Variants in CCR4 observed in about 807,000 individuals in gnomAD.
CCR4 encodes the protein C-C chemokine receptor type 4.
A neutral mutation model predicts 17.1 loss-of-function variants in CCR4; 9 were observed. That is an observed-to-expected ratio of 0.53 (90% CI 0.32 to 0.92). CCR4 has a LOEUF of 0.92. Among genes scored for constraint, CCR4 ranks in the 40% least tolerant of loss-of-function variants. The probability of loss-of-function intolerance (pLI) is 0.04; values close to 1 mark genes in which losing one functional copy is unlikely to be tolerated. For missense variants in CCR4, 385 were observed against 433.9 expected, an observed-to-expected ratio of 0.89 and a Z score of 1.00; for synonymous variants, 217 against 174.3, an observed-to-expected ratio of 1.24 and a Z score of -1.93.
rs143876966 is a variant in CCR4, at chr3:32,953,848, G to A, written c.426G>A (p.Ala142=). 10 of 1,613,848 alleles carry A rather than the reference G, an allele frequency of 6.2e-6. No individual in the cohort carries two copies. The highest frequency in any genetic ancestry group is 4.5e-5 in the East Asian group (2 of 44,876). The change falls in exon 2 of 2, where the codon GCG becomes GCA. Residue 142 remains alanine, a synonymous_variant. Coordinates refer to ENST00000330953, the MANE Select transcript of CCR4 (RefSeq NM_005508.5). ...SIDRYLAIVH[A]VFSLRARTLT... is the part of the protein sequence containing the mutation. ...ATAGATACCTGGCAATTGTGCACGC[G>A]GTGTTTTCCTTGAGGGCAAGGACCT...
chr3:32,954,147 A>C lies in CCR4; in HGVS notation c.725A>C (p.Lys242Thr), dbSNP rs1305380712. The C allele has an allele frequency of 6.2e-7, 1 of 1,614,072 alleles. No homozygotes were observed. Among genetic ancestry groups the C allele is most frequent in the African/African-American group, 1.3e-5 (1 of 74,922 alleles). The change falls in exon 2 of 2, where the codon AAG becomes ACG. Residue 242 changes from lysine (K) to threonine (T), a missense_variant. Physicochemically the swap from Lys to Thr is moderately conservative, Grantham distance 78. Coordinates refer to ENST00000330953, the MANE Select transcript of CCR4 (RefSeq NM_005508.5). ...CKNEKKNKAV[K>T]MIFAVVVLFL... ...AATGAGAAGAAGAACAAGGCGGTGA[A>C]GATGATCTTTGCCGTGGTGGTCCTC...
In CCR4 at chr3:32,954,688, A is replaced by G; in HGVS notation, c.*183A>G. 1.6e-6 allele frequency: 1 copy of G among 612,562 alleles called. No individual in the cohort carries two copies. The highest frequency in any genetic ancestry group is 3.7e-5 in the Admixed American group (1 of 26,916). The allele number at this position is 612,562 out of a possible 1,614,324, so 37.9% of individuals were successfully genotyped here. On this transcript the variant is annotated 3_prime_UTR_variant, in exon 2 of 2. Transcript: ENST00000330953. ...CCCACTAGACAAGTCCAGCCTGGCA[A>G]GGGTTCACCTGGGCTGAGGCATCCT... is the stretch of plus-strand genomic sequence containing the variant.
At position 32,954,852 on chromosome 3, in the gene CCR4, T is replaced by C. The variant is rs900639747; in HGVS notation, c.*347T>C. On this transcript the variant is annotated 3_prime_UTR_variant, in exon 2 of 2. Transcript: ENST00000330953. Reference sequence around the variant, plus strand: ...AACTGATGGGTTTCTCCAGAGGGAATTGCAGAGTACTGGCTGATGGAGTAA... The same window carrying C: ...AACTGATGGGTTTCTCCAGAGGGAACTGCAGAGTACTGGCTGATGGAGTAA... The C allele has an allele frequency of 2.8e-5, 6 of 213,880 alleles. No individual in the cohort carries two copies. Among genetic ancestry groups the C allele is most frequent in the Admixed American group, 1.1e-4 (2 of 18,800 alleles). The allele number at this position is 213,880 out of a possible 1,614,324, so 13.2% of individuals were successfully genotyped here. A position where few individuals can be genotyped will look rare whatever the true frequency, so the allele number is the denominator to read the frequency against.
At position 32,954,356 on chromosome 3, in the gene CCR4, C is replaced by T. The variant is rs1432823572; in HGVS notation, c.934C>T (p.Arg312Cys). The T allele has an allele frequency of 3.1e-6, 5 of 1,614,106 alleles. No homozygotes were observed. Among genetic ancestry groups the T allele is most frequent in the Non-Finnish European group, 4.2e-6 (5 of 1,180,016 alleles). Residue 312 changes from arginine to cysteine, a missense_variant, in exon 2 of 2, where the codon CGC (arginine) becomes TGC (cysteine). Coordinates refer to ENST00000330953, the MANE Select transcript of CCR4 (RefSeq NM_005508.5). ...IIYFFLGEKF[R>C]KYILQLFKTC... ...CTACTTTTTTCTGGGGGAGAAATTT[C>T]GCAAGTACATCCTACAGCTCTTCAA...
chr3:32,953,518 A>C lies in CCR4; in HGVS notation c.96A>C (p.Glu32Asp). ...GTATCCCCAAGCCTTGCACCAAAGA[A>C]GGCATCAAGGCATTTGGGGAGCTCT... ...YESIPKPCTKEGIKAFGELFL... is the reference protein window; with the variant it reads ...YESIPKPCTKDGIKAFGELFL... Residue 32 changes from glutamate to aspartate, a missense_variant, in exon 2 of 2, where the codon GAA becomes GAC. Coordinates refer to ENST00000330953, the MANE Select transcript of CCR4 (RefSeq NM_005508.5). 1 of 1,614,118 alleles carries C rather than the reference A, an allele frequency of 6.2e-7. No homozygotes were observed. Among genetic ancestry groups the C allele is most frequent in the Non-Finnish European group, 8.5e-7 (1 of 1,180,014 alleles).
chr3:32,954,191 C>G lies in CCR4; in HGVS notation c.769C>G (p.Pro257Ala). Residue 257 changes from proline (P) to alanine (A), a missense_variant, in exon 2 of 2, where the codon CCT (proline) becomes GCT (alanine). Coordinates refer to ENST00000330953, the MANE Select transcript of CCR4 (RefSeq NM_005508.5). ...VVVLFLGFWT[P>A]YNIVLFLETL... Reference sequence around the variant, plus strand: ...GGTCCTCTTCCTTGGGTTCTGGACACCTTACAACATAGTGCTCTTCCTAGA... The same window carrying G: ...GGTCCTCTTCCTTGGGTTCTGGACAGCTTACAACATAGTGCTCTTCCTAGA... The G allele has an allele frequency of 6.2e-7, 1 of 1,614,048 alleles. No homozygotes were observed. The highest frequency in any genetic ancestry group is 8.5e-7 in the Non-Finnish European group (1 of 1,179,988).
In CCR4 at chr3:32,956,063, GAGGTGTGCACCACTACGCC is replaced by G. The variant is rs1428863584; in HGVS notation, c.*1562_*1580del. 2 of 163,890 alleles carry G rather than the reference GAGGTGTGCACCACTACGCC, an allele frequency of 1.2e-5. No individual in the cohort carries two copies. Among genetic ancestry groups the G allele is most frequent in the Admixed American group, 6.6e-5 (1 of 15,220 alleles). The allele number at this position is 163,890 out of a possible 1,614,324, so 10.2% of individuals were successfully genotyped here. On this transcript the variant is annotated 3_prime_UTR_variant, in exon 2 of 2. Coordinates refer to ENST00000330953, the MANE Select transcript of CCR4 (RefSeq NM_005508.5). Reference sequence around the variant, plus strand: ...TCAGCTTCTCAAGCAGCTGGGATTAGAGGTGTGCACCACTACGCCAGGCTAATTTTTGTATTTTTAGTAG... The same window carrying G: ...TCAGCTTCTCAAGCAGCTGGGATTAGAGGCTAATTTTTGTATTTTTAGTAG...
rs766843220 is a variant in CCR4 at position 32,954,447 on chromosome 3, C to A, written c.1025C>A (p.Thr342Asn). 20 of 1,581,680 alleles carry A rather than the reference C, an allele frequency of 1.3e-5. No homozygotes were observed. Among genetic ancestry groups the A allele is most frequent in the Non-Finnish European group, 1.7e-5 (20 of 1,167,240 alleles). ...CTCCTCCAAATTTACTCTGCTGACA[C>A]CCCCAGCTCATCTTACACGCAGTCC... ...CGLLQIYSAD[T>N]PSSSYTQSTM... The change falls in exon 2 of 2, where the codon ACC becomes AAC. Residue 342 changes from threonine to asparagine, a missense_variant. Thr to Asn is a moderately conservative substitution (Grantham distance 65, BLOSUM62 0). Coordinates refer to ENST00000330953, the MANE Select transcript of CCR4 (RefSeq NM_005508.5).
chr3:32,954,555 C>T lies in CCR4; in HGVS notation c.*50C>T. On this transcript the variant is annotated 3_prime_UTR_variant, in exon 2 of 2. Transcript: ENST00000330953. ...GTCAATGAACTTTCCACATTCAGAGCTTACTTAAAATTGTATTTTAGTAAG... is the reference window on the plus strand; with the variant it reads ...GTCAATGAACTTTCCACATTCAGAGTTTACTTAAAATTGTATTTTAGTAAG... The T allele has an allele frequency of 6.7e-7, 1 of 1,483,308 alleles. No individual in the cohort carries two copies. The highest frequency in any genetic ancestry group is 8.9e-7 in the Non-Finnish European group (1 of 1,118,658). 91.9% of individuals were successfully genotyped at this position (1,483,308 alleles called of 1,614,324 possible).
Position 32,954,164 on chromosome 3 carries a change from G to C in CCR4, c.742G>C (p.Val248Leu). 6.2e-7 allele frequency: 1 copy of C among 1,614,126 alleles called. No individual in the cohort carries two copies. Among genetic ancestry groups the C allele is most frequent in the Non-Finnish European group, 8.5e-7 (1 of 1,180,034 alleles). Residue 248 changes from valine (V) to leucine (L), a missense_variant, in exon 2 of 2, where the codon GTG (valine) becomes CTG (leucine). Transcript: ENST00000330953. ...NKAVKMIFAV[V>L]VLFLGFWTPY... ...GGCGGTGAAGATGATCTTTGCCGTG[G>C]TGGTCCTCTTCCTTGGGTTCTGGAC...
rs1281059082 is a variant in CCR4, at chr3:32,953,950, C to T, written c.528C>T (p.Ser176=). Residue 176 remains serine (S), a synonymous_variant, in exon 2 of 2, where the codon AGC becomes AGT. Transcript: ENST00000330953. ...CCTCCCTTCCTGGCTTTCTGTTCAG[C>T]ACTTGTTATACTGAGCGCAACCATA... The part of the protein sequence containing the change: ...VFASLPGFLF[S]TCYTERNHTY... The T allele has an allele frequency of 5.0e-6, 8 of 1,614,098 alleles. No homozygotes were observed. Among genetic ancestry groups the T allele is most frequent in the Non-Finnish European group, 6.8e-6 (8 of 1,180,010 alleles).
At chr3:32,953,340 A>G in intron 1 of CCR4, 32 bp from the exon 2 acceptor site, 1 of 1,479,488 alleles carries the variant, frequency 6.8e-7, no homozygotes, top group Admixed American at 2.3e-5. Context: ...TTTTGTTCTC[A>G]CAGAAATCTC....
rs1399627925 is a variant in CCR4, at chr3:32,954,950, GTT to G, written c.*449_*450del. On this transcript the variant is annotated 3_prime_UTR_variant, in exon 2 of 2. Coordinates refer to ENST00000330953, the MANE Select transcript of CCR4 (RefSeq NM_005508.5). Reference sequence around the variant, plus strand: ...CTTTTGCGGAACAATATAGATAACTGTTTTTCTAATAACATATCTCAGGCAAA... The same window carrying G: ...CTTTTGCGGAACAATATAGATAACTGTTTCTAATAACATATCTCAGGCAAA... 1.2e-5 allele frequency: 2 copies of G among 169,496 alleles called. No individual in the cohort carries two copies. Among genetic ancestry groups the G allele is most frequent in the African/African-American group, 4.8e-5 (2 of 41,540 alleles). The allele number at this position is 169,496 out of a possible 1,614,324, so 10.5% of individuals were successfully genotyped here.
At chr3:32,953,338 TCA>T in intron 1 of CCR4, 32 bp from the exon 2 acceptor site, 1 of 1,468,484 alleles carries the variant, frequency 6.8e-7, no homozygotes, top group Non-Finnish European at 9.1e-7. Context: ...ATTTTTGTTC[TCA>T]CAGAAATCTC....
Position 32,955,953 on chromosome 3 carries a change from G to T in CCR4, c.*1448G>T. On this transcript the variant is annotated 3_prime_UTR_variant, in exon 2 of 2. Coordinates refer to ENST00000330953, the MANE Select transcript of CCR4 (RefSeq NM_005508.5). ...TATTTTATTTTATTTTTGAGATGGA[G>T]TCTCACTCTGTCACCCAAGCTGGAG... The T allele has an allele frequency of 6.9e-6, 1 of 145,224 alleles. No homozygotes were observed. The highest frequency in any genetic ancestry group is 1.5e-5 in the Non-Finnish European group (1 of 66,050). 9.0% of individuals were successfully genotyped at this position (145,224 alleles called of 1,614,324 possible).
intron 1 of CCR4, among the ~76,000 whole-genome samples, chr3:32,952,537 G>A (rs958440157): frequency 6.6e-6 from 1 of 152,230 alleles, no homozygotes; most frequent in Non-Finnish European, 1.5e-5. Context: ...GGGATTATAG[G>A]CGTGGGCCAC....
chr3:32,952,073 A>G (rs949847204), intron 1 of CCR4, among the ~76,000 whole-genome samples: 3 of 152,066 alleles, frequency 2.0e-5, no homozygotes. Flanking sequence ...ATAATTTCCT[A>G]ACTCCTCAGC....
chr3:32,954,578 A>G lies in CCR4; in HGVS notation c.*73A>G, dbSNP rs1695677646. ...AGCTTACTTAAAATTGTATTTTAGT[A>G]AGAGATTCCTGAGCCAGTGTCAGGA... is the stretch of plus-strand genomic sequence containing the variant. On this transcript the variant is annotated 3_prime_UTR_variant, in exon 2 of 2. Transcript: ENST00000330953. The G allele has an allele frequency of 5.6e-6, 8 of 1,435,148 alleles. No individual in the cohort carries two copies. Among genetic ancestry groups the G allele is most frequent in the Non-Finnish European group, 6.5e-6 (7 of 1,083,742 alleles). The allele number at this position is 1,435,148 out of a possible 1,614,324, so 88.9% of individuals were successfully genotyped here. A position where few individuals can be genotyped will look rare whatever the true frequency, so the allele number is the denominator to read the frequency against.
chr3:32,952,265 AT>A (rs555591303), intron 1 of CCR4, among the ~76,000 whole-genome samples: 1 of 144,232 alleles, frequency 6.9e-6, no homozygotes, highest in African/African-American at 2.6e-5. Flanking sequence ...TTTATTTTTT[AT>A]TTTTTTTGAG....
Sources: gnomAD v4.1 joint callset for allele counts (sites outside exome capture counted in the v4.1 genomes callset) on GRCh38, gnomAD v4.1.1 for gene constraint, MANE v1.5 for transcripts, NCBI Gene and HGNC (gene_info 2026-07-23, HGNC 2026-07-21) for gene names.